FGF14: variants seen among roughly 807,000 people sequenced by gnomAD.
The protein encoded by FGF14 is fibroblast growth factor homologous factor 4.
Under a neutral mutation model 25.5 loss-of-function variants are expected in FGF14, and 5 were observed. The ratio of observed to expected loss-of-function variants is 0.20; its 90% CI spans 0.10 to 0.41. The LOEUF (loss-of-function observed/expected upper bound fraction) is 0.41. Among genes scored for constraint, FGF14 ranks in the 10% least tolerant of loss-of-function variants. The pLI, the probability that FGF14 is intolerant of heterozygous loss-of-function variation, is 1.00. For missense variants in FGF14, 222 were observed against 320.1 expected, an observed-to-expected ratio of 0.69 and a Z score of 2.34; for synonymous variants, 138 against 118.3, an observed-to-expected ratio of 1.17 and a Z score of -1.08.
At chr13:102,288,338 T>G (rs1438886921) in intron 1 of FGF14, among the ~76,000 whole-genome samples, 2 of 152,212 alleles carry the variant, frequency 1.3e-5, no homozygotes, top group Non-Finnish European at 2.9e-5. Context: ...TAACTTTGTA[T>G]TAATTCTAAG....
chr13:101,990,349 G>T (rs1326503878), intron 1 of FGF14, among the ~76,000 whole-genome samples: 1 of 152,046 alleles, frequency 6.6e-6, no homozygotes, highest in African/African-American at 2.4e-5. Context: ...CTGGAACTTT[G>T]AATTAGAATT....
chr13:102,221,117 A>G (rs2050591880), intron 1 of FGF14, among the ~76,000 whole-genome samples: 1 of 152,210 alleles, frequency 6.6e-6, no homozygotes, highest in Non-Finnish European at 1.5e-5. Flanking sequence ...TTGCTTTTCA[A>G]TGTTCAACTA....
intron 3 of FGF14, among the ~76,000 whole-genome samples, chr13:101,786,586 G>A (rs2039841565): frequency 6.6e-6 from 1 of 152,132 alleles, no homozygotes; most frequent in South Asian, 2.1e-4. Context: ...CTCTGTACAT[G>A]TCTGTGTCCT....
intron 1 of FGF14, among the ~76,000 whole-genome samples, chr13:102,369,610 T>A (rs1476717346): frequency 1.3e-5 from 2 of 152,176 alleles, no homozygotes; most frequent in African/African-American, 4.8e-5. Flanking sequence ...TTCAAGGTTA[T>A]CCATTGCTGC....
chr13:101,876,266 T>C (rs944158447), intron 1 of FGF14, among the ~76,000 whole-genome samples: 5 of 152,296 alleles, frequency 3.3e-5, no homozygotes, highest in East Asian at 3.9e-4. Context: ...ATCTCAGGGA[T>C]AGATTGGATG....
chr13:102,374,812 T>C (rs1414967298), intron 1 of FGF14, among the ~76,000 whole-genome samples: 1 of 150,828 alleles, frequency 6.6e-6, no homozygotes, highest in Non-Finnish European at 1.5e-5. Flanking sequence ...AGGGCTAAAG[T>C]AAATTTTTAA....
chr13:102,336,432 C>T (rs1479044786), intron 1 of FGF14, among the ~76,000 whole-genome samples: 1 of 151,664 alleles, frequency 6.6e-6, no homozygotes, highest in Non-Finnish European at 1.5e-5. Flanking sequence ...GAAGAAGCCA[C>T]AGAATTAAAA....
intron 1 of FGF14, among the ~76,000 whole-genome samples, chr13:102,295,691 T>C (rs1331860332): frequency 6.6e-6 from 1 of 152,094 alleles, no homozygotes; most frequent in Admixed American, 6.6e-5. Context: ...CTCCAAAGGT[T>C]TTTTCACAGC....
chr13:102,255,751 G>T (rs550144766), intron 1 of FGF14, among the ~76,000 whole-genome samples: 95 of 152,288 alleles, frequency 6.2e-4, no homozygotes, highest in African/African-American at 2.1e-3. Context: ...AGAAAAAAAG[G>T]TTACTATTGC....
rs554196698 is a variant in FGF14, at chr13:102,107,582, T to C, written c.209-232286A>G. On this transcript the variant is annotated intron_variant, in intron 1 of 4. Coordinates refer to the FGF14 transcript ENST00000376131. ...GTATTTATTGAGCTCTTACTAATCC[T>C]TAGACACTATTCCAAGCACTAGTCA... Among the ~76,000 whole-genome samples, 9 of 152,332 alleles carry C rather than the reference T, an allele frequency of 5.9e-5. No homozygotes were observed. The South Asian group carries it at 1.0e-3, about 18-fold the overall frequency.
At chr13:101,837,785 T>C (rs921608593) in intron 3 of FGF14, among the ~76,000 whole-genome samples, 3 of 152,070 alleles carry the variant, frequency 2.0e-5, no homozygotes, top group African/African-American at 4.8e-5. Flanking sequence ...GTCAACTTGA[T>C]TGGATTGAAG....
intron 1 of FGF14, among the ~76,000 whole-genome samples, chr13:102,196,111 G>A (rs1371471004): frequency 2.0e-5 from 3 of 152,168 alleles, no homozygotes; most frequent in Non-Finnish European, 1.5e-5. Context: ...AAGTTTATAG[G>A]ATTGGCAAAT....
chr13:102,144,580 C>T (rs908565144), intron 1 of FGF14, among the ~76,000 whole-genome samples: 14 of 152,004 alleles, frequency 9.2e-5, no homozygotes, highest in African/African-American at 3.1e-4. Flanking sequence ...TCCATATTTA[C>T]ACAAAACTTT....
chr13:101,923,483 T>C (rs2034150356), intron 1 of FGF14, among the ~76,000 whole-genome samples: 1 of 152,120 alleles, frequency 6.6e-6, no homozygotes, highest in Admixed American at 6.5e-5. Context: ...TGGAAGAATA[T>C]TTAAAAAGTC....
chr13:102,032,460 TG>T (rs1566596937), intron 1 of FGF14, among the ~76,000 whole-genome samples: 2 of 152,116 alleles, frequency 1.3e-5, no homozygotes, highest in East Asian at 3.9e-4. Context: ...CTGAACATAC[TG>T]GATGGGAGAG....
intron 3 of FGF14, among the ~76,000 whole-genome samples, chr13:101,736,300 A>T (rs2036183374): frequency 6.6e-6 from 1 of 152,206 alleles, no homozygotes; most frequent in African/African-American, 2.4e-5. Context: ...GAGAAATAAT[A>T]AAATATACAT....
intron 1 of FGF14, among the ~76,000 whole-genome samples, chr13:102,096,057 T>C (rs1423098701): frequency 6.6e-6 from 1 of 150,944 alleles, no homozygotes; most frequent in Non-Finnish European, 1.5e-5. Flanking sequence ...CATTGTTTTG[T>C]ATCTTATTCA....
intron 1 of FGF14, among the ~76,000 whole-genome samples, chr13:102,103,210 A>C (rs2044742918): frequency 6.6e-6 from 1 of 152,162 alleles, no homozygotes; most frequent in Non-Finnish European, 1.5e-5. Flanking sequence ...ATGGTAAGTC[A>C]CAGGCTCACA....
At chr13:101,903,748 G>A (rs1334281946) in intron 1 of FGF14, among the ~76,000 whole-genome samples, 2 of 152,172 alleles carry the variant, frequency 1.3e-5, no homozygotes, top group East Asian at 1.9e-4. Flanking sequence ...TGGAGTCTAA[G>A]CCAACCCTAA....
Sources: allele counts gnomAD v4.1 joint callset (sites outside exome capture counted in the v4.1 genomes callset), GRCh38; gene constraint gnomAD v4.1.1; transcripts MANE v1.5; gene names NCBI Gene and HGNC (gene_info 2026-07-23, HGNC 2026-07-21).